Variants in SYNE2 observed in about 807,000 individuals in gnomAD.
SYNE2 encodes spectrin repeat containing nuclear envelope protein 2.
A neutral mutation model predicts 856.3 loss-of-function variants in SYNE2; 431 were observed. The observed-to-expected ratio is 0.50, with a 90% CI of 0.47 to 0.55. SYNE2 has a LOEUF of 0.55. Among genes scored for constraint, SYNE2 ranks in the 20% least tolerant of loss-of-function variants. The probability of loss-of-function intolerance (pLI) is 0.00; values close to 1 mark genes in which losing one functional copy is unlikely to be tolerated. For synonymous variants in SYNE2, 2,923 were observed against 2,872.3 expected (o/e 1.02, Z -0.56); for missense variants, 8,129 against 8,023.2 (o/e 1.01, Z -0.50).
At chr14:64,202,048 G>A in intron 99 of SYNE2, 1 of 625,128 alleles carries the variant, frequency 1.6e-6, no homozygotes, top group Non-Finnish European at 2.9e-6. Flanking sequence ...TGCACGCCAA[G>A]TTGTACTCAT....
Position 64,171,491 on chromosome 14 carries a change from A to G in SYNE2, c.17235+1029A>G, listed in dbSNP as rs376404105. Among the ~76,000 whole-genome samples, 26 of 152,346 alleles carry G rather than the reference A, an allele frequency of 1.7e-4. 1 individual carries two copies. Among genetic ancestry groups the G allele is most frequent in the Middle Eastern group, 3.4e-3 (1 of 294 alleles). On this transcript the variant is annotated intron_variant, in intron 94 of 115. Coordinates refer to ENST00000555002, the MANE Select transcript of SYNE2 (RefSeq NM_182914.3). ...TAGATCATTAAAACAGGGCCAGTAG[A>G]GATGGGGATGTGTGGCTCCTTTAGA... is the stretch of plus-strand genomic sequence containing the variant.
chr14:64,047,381 G>T (rs2097193909), intron 45 of SYNE2, among the ~76,000 whole-genome samples: 1 of 152,198 alleles, frequency 6.6e-6, no homozygotes, highest in Admixed American at 6.5e-5. Context: ...ATTAGGAAAG[G>T]GTGGGTATAT....
chr14:63,847,622 G>C (rs1214703400), intron 1 of SYNE2, among the ~76,000 whole-genome samples: 2 of 137,062 alleles, frequency 1.5e-5, no homozygotes, highest in Non-Finnish European at 3.1e-5. Context: ...GTCTCGCTCT[G>C]TCGCCCAGGC....
intron 94 of SYNE2, chr14:64,174,037 A>T: frequency 1.6e-6 from 1 of 619,752 alleles, no homozygotes; most frequent in Non-Finnish European, 2.8e-6. Flanking sequence ...ATATAGAAAA[A>T]AATAAAAATA....
intron 94 of SYNE2, among the ~76,000 whole-genome samples, chr14:64,172,043 G>A (rs2098413711): frequency 6.6e-6 from 1 of 152,098 alleles, no homozygotes; most frequent in African/African-American, 2.4e-5. Context: ...TAGAGACAAG[G>A]TTTCACCCTG....
intron 31 of SYNE2, 148 bp from the exon 32 acceptor site, chr14:64,009,818 A>T: frequency 1.5e-6 from 1 of 665,142 alleles, no homozygotes; most frequent in Non-Finnish European, 2.6e-6. Context: ...CATCATTCTT[A>T]GGTTAAATTG....
intron 19 of SYNE2, 73 bp downstream of exon 19, chr14:63,986,690 T>G: frequency 6.7e-7 from 1 of 1,499,488 alleles, no homozygotes; most frequent in Non-Finnish European, 9.3e-7. Context: ...TAAGAAGTTT[T>G]AAAGTAAGTA....
At chr14:63,940,070 A>T (rs75107484) in intron 2 of SYNE2, among the ~76,000 whole-genome samples, 138 of 129,314 alleles carry the variant, frequency 1.1e-3, no homozygotes, top group Admixed American at 2.0e-3. Flanking sequence ...GTCTCAGTTC[A>T]TTTTTTTTTT....
At chr14:64,203,293 T>G (rs2098586414) in intron 100 of SYNE2, among the ~76,000 whole-genome samples, 1 of 152,226 alleles carries the variant, frequency 6.6e-6, no homozygotes, top group Admixed American at 6.5e-5. Context: ...GGCAATGAAT[T>G]GAAAGAAAAG....
chr14:63,948,622 C>T (rs1341931135), intron 6 of SYNE2, among the ~76,000 whole-genome samples: 2 of 148,588 alleles, frequency 1.3e-5, no homozygotes, highest in African/African-American at 4.9e-5. Context: ...GATTGCACCA[C>T]TGCCCTCCAG....
intron 57 of SYNE2, chr14:64,087,415 A>G: frequency 1.6e-6 from 1 of 638,738 alleles, no homozygotes; most frequent in Non-Finnish European, 3.0e-6. Context: ...CCCTATTATT[A>G]AAGGATTCCA....
At chr14:63,996,897 A>T (rs1356522693) in intron 23 of SYNE2, 50 bp from the exon 24 acceptor site, 7 of 1,554,806 alleles carry the variant, frequency 4.5e-6, no homozygotes, top group Non-Finnish European at 6.2e-6. Context: ...TTATGGAATA[A>T]TCATGTAAAC....
rs199668814 is a variant in SYNE2, at chr14:64,017,752, T to C, written c.5045T>C (p.Leu1682Pro). 6.7e-5 allele frequency: 108 copies of C among 1,613,570 alleles called. No individual in the cohort carries two copies. The East Asian group carries it at 1.9e-3, about 29-fold the overall frequency. Reference sequence around the variant, plus strand: ...TTGACTGAAGAGGACAGAGAAAGGCTGAAGGTAATTTAACAGATAAAATAC... The same window carrying C: ...TTGACTGAAGAGGACAGAGAAAGGCCGAAGGTAATTTAACAGATAAAATAC... Reference protein sequence around the residue: ...HQLTEEDRERLKEELQVHEQK... With the variant: ...HQLTEEDRERPKEELQVHEQK... The change falls in exon 34 of 116, where the codon CTG (leucine) becomes CCG (proline). Residue 1682 changes from leucine to proline, a missense_variant. Leu to Pro is a moderately conservative substitution (Grantham distance 98, BLOSUM62 -3). Coordinates refer to ENST00000555002, the MANE Select transcript of SYNE2 (RefSeq NM_182914.3).
intron 30 of SYNE2, 135 bp downstream of exon 30, chr14:64,003,465 T>G: frequency 8.1e-7 from 1 of 1,239,774 alleles, no homozygotes; most frequent in South Asian, 1.2e-5. Context: ...TCAGCATTCT[T>G]TTCTGTAGAC....
At chr14:64,013,323 A>ATTTTTTTTTTTTTTTTTTTTTTTT (rs57074861) in intron 32 of SYNE2, among the ~76,000 whole-genome samples, 1 of 136,280 alleles carries the variant, frequency 7.3e-6, no homozygotes, top group African/African-American at 2.6e-5. Flanking sequence ...TCCTCATTAA[A>ATTTTTTTTTTTTTTTTTTTTTTTT]TTTTTTTTTT....
chr14:64,006,840 TAAGAC>T (rs778375399), intron 30 of SYNE2, among the ~76,000 whole-genome samples, 198 bp from the exon 31 acceptor site: 10 of 151,694 alleles, frequency 6.6e-5, no homozygotes, highest in South Asian at 4.2e-4. Flanking sequence ...CAAAACAAAA[TAAGAC>T]AAAACAAAAC....
At chr14:63,769,898 C>CA (rs1306298077) in intron 1 of SYNE2, among the ~76,000 whole-genome samples, 4 of 150,024 alleles carry the variant, frequency 2.7e-5, no homozygotes, top group Non-Finnish European at 5.9e-5. Context: ...GATCCTGTCT[C>CA]AAAAAAAAAT....
In SYNE2 at chr14:64,051,659, G is replaced by T. The variant is rs779136213; in HGVS notation, c.7746G>T (p.Glu2582Asp). 28 of 1,614,036 alleles carry T rather than the reference G, an allele frequency of 1.7e-5. No individual in the cohort carries two copies. Among genetic ancestry groups the T allele is most frequent in the Middle Eastern group, 1.6e-4 (1 of 6,084 alleles). Residue 2582 changes from glutamate (E) to aspartate (D), a missense_variant, in exon 48 of 116, where the codon GAG becomes GAT. By Grantham distance (45) the Glu-to-Asp change is conservative (BLOSUM62 2). Around this residue, in one of 3 missense-constraint regions of SYNE2, gnomAD observed 5,410 missense variants for 5,284.8 expected, o/e 1.02. Transcript: ENST00000555002. Reference protein sequence around the residue: ...DSLGNLKIKWENLSNHVTDMD... With the variant: ...DSLGNLKIKWDNLSNHVTDMD... The stretch of plus-strand genomic sequence containing the variant: ...TAGGCAACTTGAAAATCAAATGGGA[G>T]AATTTATCAAACCACGTGACTGACA...
intron 45 of SYNE2, among the ~76,000 whole-genome samples, chr14:64,040,271 AC>A (rs1007739232): frequency 1.1e-4 from 17 of 152,168 alleles, no homozygotes; most frequent in African/African-American, 3.9e-4. Context: ...ATGAGAGAAT[AC>A]CCTAAGAAAG....
Sources: gnomAD v4.1 joint callset for allele counts (sites outside exome capture counted in the v4.1 genomes callset) on GRCh38, gnomAD v4.1.1 for gene constraint, gnomAD v4.1.1 regional missense constraint, MANE v1.5 for transcripts, NCBI Gene and HGNC (gene_info 2026-07-23, HGNC 2026-07-21) for gene names.